Variants in THSD7B observed in about 807,000 individuals in gnomAD.
THSD7B encodes the protein thrombospondin type 1 domain containing 7B.
THSD7B carries 138 observed loss-of-function variants against 213.6 expected under a neutral mutation model. The ratio of observed to expected loss-of-function variants is 0.65; its 90% CI spans 0.56 to 0.74. The LOEUF is 0.74. Ranked by LOEUF, THSD7B falls within the 30% of genes least tolerant of loss-of-function variation. The pLI is 0.00. For synonymous variants in THSD7B, 742 were observed against 687.0 expected (o/e 1.08, Z -1.25); for missense variants, 1,931 against 1,991.5 (o/e 0.97, Z 0.58).
chr2:137,018,808 C>T (rs1573770140), intron 2 of THSD7B, among the ~76,000 whole-genome samples: 2 of 152,024 alleles, frequency 1.3e-5, no homozygotes, highest in Non-Finnish European at 1.5e-5. Flanking sequence ...AAGTGTTATC[C>T]CATTACCAAT....
intron 7 of THSD7B, among the ~76,000 whole-genome samples, chr2:137,172,276 C>G (rs1680267818): frequency 6.6e-6 from 1 of 152,102 alleles, no homozygotes; most frequent in African/African-American, 2.4e-5. Flanking sequence ...GCAAGGCCTG[C>G]CTTATTCTAA....
chr2:136,855,175 AT>A (rs564139476), intron 1 of THSD7B, among the ~76,000 whole-genome samples: 14 of 151,986 alleles, frequency 9.2e-5, no homozygotes, highest in African/African-American at 3.4e-4. Context: ...TTATGTATGC[AT>A]TTTTTTGACT....
chr2:137,458,851 A>T (rs1051859165), intron 15 of THSD7B, among the ~76,000 whole-genome samples: 1 of 152,188 alleles, frequency 6.6e-6, no homozygotes, highest in African/African-American at 2.4e-5. Context: ...TTTCATAAAG[A>T]TCAGTGATTA....
chr2:137,657,028 G>A lies in THSD7B; in HGVS notation c.4280-37G>A, dbSNP rs367691329. Reference sequence around the variant, plus strand: ...ATTGATCAATGCTTATTCTAAGTGAGGTGTAATAGAACTGCTATTATCATA... The same window carrying A: ...ATTGATCAATGCTTATTCTAAGTGAAGTGTAATAGAACTGCTATTATCATA... On this transcript the variant is annotated intron_variant, in intron 23 of 27. Coordinates refer to ENST00000409968, the MANE Select transcript of THSD7B (RefSeq NM_001316349.2). The A allele has an allele frequency of 5.3e-5, 85 of 1,613,228 alleles. No homozygotes were observed. In the African/African-American group the frequency reaches 7.9e-4, roughly 15 times the overall value.
Position 136,853,546 on chromosome 2 carries a change from C to T in THSD7B, c.-35-28598C>T, listed in dbSNP as rs903370741. The stretch of plus-strand genomic sequence containing the variant: ...CCCATCCAATACTGGTGATGCTAAC[C>T]TTGATAACCTGGTCAAGATGGTGCC... On this transcript the variant is annotated intron_variant, in intron 1 of 27. Coordinates refer to ENST00000409968, the MANE Select transcript of THSD7B (RefSeq NM_001316349.2). Among the ~76,000 whole-genome samples, 7 of 152,270 alleles carry T rather than the reference C, an allele frequency of 4.6e-5. No homozygotes were observed. The East Asian group carries it at 5.8e-4, about 13-fold the overall frequency.
chr2:137,217,429 AT>A (rs1681274137), intron 7 of THSD7B, among the ~76,000 whole-genome samples: 1 of 152,134 alleles, frequency 6.6e-6, no homozygotes, highest in Non-Finnish European at 1.5e-5. Flanking sequence ...TTTAATTATG[AT>A]GTAATTCCTG....
chr2:137,336,186 A>G (rs908694803), intron 12 of THSD7B, among the ~76,000 whole-genome samples: 100 of 152,302 alleles, frequency 6.6e-4, no homozygotes, highest in African/African-American at 2.0e-3. Context: ...GTGACTTTAC[A>G]TATTTTAGGA....
intron 2 of THSD7B, among the ~76,000 whole-genome samples, chr2:137,005,186 A>T (rs1173994978): frequency 3.3e-5 from 5 of 152,226 alleles, no homozygotes; most frequent in Non-Finnish European, 5.9e-5. Context: ...TTTCAATGAA[A>T]ATGTGATTTC....
chr2:136,808,682 A>T (rs1682327246), intron 1 of THSD7B, among the ~76,000 whole-genome samples: 1 of 152,230 alleles, frequency 6.6e-6, no homozygotes, highest in Non-Finnish European at 1.5e-5. Context: ...CCTCATTAGC[A>T]CTTGCTATTG....
chr2:137,314,761 C>T (rs757137363), intron 12 of THSD7B, among the ~76,000 whole-genome samples: 7 of 152,146 alleles, frequency 4.6e-5, no homozygotes, highest in Non-Finnish European at 7.4e-5. Flanking sequence ...TTGGAGTACT[C>T]GGCCTTGTGA....
chr2:137,497,117 A>G (rs1269568362), intron 15 of THSD7B, among the ~76,000 whole-genome samples: 1 of 152,088 alleles, frequency 6.6e-6, no homozygotes, highest in Non-Finnish European at 1.5e-5. Flanking sequence ...TATGCAGGCA[A>G]AGACTTCCAG....
At chr2:136,766,222 G>A (rs1271907220) in intron 1 of THSD7B, among the ~76,000 whole-genome samples, 2 of 152,202 alleles carry the variant, frequency 1.3e-5, no homozygotes, top group South Asian at 2.1e-4. Context: ...CAGTGCCAGT[G>A]GAGGATAGCT....
chr2:137,276,840 T>C (rs1682885004), intron 12 of THSD7B, among the ~76,000 whole-genome samples: 1 of 152,124 alleles, frequency 6.6e-6, no homozygotes, highest in African/African-American at 2.4e-5. Context: ...TAAGTTTCTC[T>C]TTTTGTTACA....
At chr2:137,073,599 A>G (rs1337469746) in intron 3 of THSD7B, among the ~76,000 whole-genome samples, 2 of 151,996 alleles carry the variant, frequency 1.3e-5, no homozygotes, top group Non-Finnish European at 2.9e-5. Flanking sequence ...TTCTGCTCTG[A>G]TGTTAGTTAT....
chr2:137,258,950 C>T (rs1409932379), intron 10 of THSD7B, among the ~76,000 whole-genome samples: 3 of 151,920 alleles, frequency 2.0e-5, no homozygotes, highest in Admixed American at 1.3e-4. Context: ...GTCTTCTGTT[C>T]CTGCGTTAGT....
At chr2:137,573,610 T>C (rs949031772) in intron 17 of THSD7B, among the ~76,000 whole-genome samples, 2 of 152,140 alleles carry the variant, frequency 1.3e-5, no homozygotes, top group African/African-American at 4.8e-5. Context: ...ATTTATTTTG[T>C]GTGTAACCTG....
At chr2:136,858,895 G>C (rs1683217759) in intron 1 of THSD7B, among the ~76,000 whole-genome samples, 1 of 152,190 alleles carries the variant, frequency 6.6e-6, no homozygotes, top group Non-Finnish European at 1.5e-5. Context: ...GGCTTCCACT[G>C]TTAATTGAAC....
chr2:137,088,897 T>C (rs950281627), intron 3 of THSD7B, among the ~76,000 whole-genome samples: 2 of 152,062 alleles, frequency 1.3e-5, no homozygotes, highest in African/African-American at 4.8e-5. Context: ...TGATCAGCAT[T>C]ATGCAAATCA....
At chr2:137,517,601 TGTC>T (rs1680094864) in intron 15 of THSD7B, among the ~76,000 whole-genome samples, 1 of 152,176 alleles carries the variant, frequency 6.6e-6, no homozygotes, top group South Asian at 2.1e-4. Flanking sequence ...CCAGTCCATT[TGTC>T]GAGTGATCCA....
Sources: gnomAD v4.1 joint callset for allele counts (sites outside exome capture counted in the v4.1 genomes callset) on GRCh38, gnomAD v4.1.1 for gene constraint, MANE v1.5 for transcripts, NCBI Gene and HGNC (gene_info 2026-07-23, HGNC 2026-07-21) for gene names.